GALNTL6: variants seen among roughly 807,000 people sequenced by gnomAD.
GALNTL6 encodes polypeptide N-acetylgalactosaminyltransferase like 6.
A neutral mutation model predicts 73.7 loss-of-function variants in GALNTL6; 46 were observed. The ratio of observed to expected loss-of-function variants is 0.62; its 90% CI spans 0.49 to 0.80. The LOEUF (loss-of-function observed/expected upper bound fraction) is 0.80, where lower values mean the gene tolerates loss of function less well. GALNTL6 is among the 30% of genes least tolerant of loss of function. The pLI, the probability that GALNTL6 is intolerant of heterozygous loss-of-function variation, is 0.00. For missense variants in GALNTL6, 604 were observed against 755.0 expected (o/e 0.80, Z 2.34); for synonymous variants, 259 against 263.7 (o/e 0.98, Z 0.17).
intron 5 of GALNTL6, among the ~76,000 whole-genome samples, chr4:172,744,299 T>C (rs28853387): frequency 0.36 from 54,356 of 151,808 alleles, 10,744 homozygotes; most frequent in African/African-American, 0.52. Flanking sequence ...TGGATATCAG[T>C]AATAAATTCC....
intron 5 of GALNTL6, among the ~76,000 whole-genome samples, chr4:172,473,676 C>G (rs1007685672): frequency 6.6e-6 from 1 of 152,154 alleles, no homozygotes; most frequent in African/African-American, 2.4e-5. Context: ...GCTTCTTGGC[C>G]TCTTTTGCTA....
intron 2 of GALNTL6, among the ~76,000 whole-genome samples, chr4:172,079,277 T>C (rs912176083): frequency 3.3e-5 from 5 of 152,110 alleles, no homozygotes; most frequent in African/African-American, 9.7e-5. Flanking sequence ...AAATATATTA[T>C]AGATAATGTA....
At chr4:172,186,005 C>A (rs1579229107) in intron 2 of GALNTL6, among the ~76,000 whole-genome samples, 1 of 152,058 alleles carries the variant, frequency 6.6e-6, no homozygotes, top group East Asian at 1.9e-4. Flanking sequence ...ATAAAACTAT[C>A]AATTTGTTAA....
chr4:173,033,926 G>C (rs944971840), intron 12 of GALNTL6, among the ~76,000 whole-genome samples: 16 of 152,194 alleles, frequency 1.1e-4, no homozygotes, highest in Non-Finnish European at 2.2e-4. Flanking sequence ...CTGAGATCCA[G>C]TCTATATCTA....
At chr4:172,152,356 G>A (rs1048404801) in intron 2 of GALNTL6, among the ~76,000 whole-genome samples, 3 of 152,136 alleles carry the variant, frequency 2.0e-5, no homozygotes, top group Non-Finnish European at 2.9e-5. Context: ...AGTCAAAGAC[G>A]TTGTTTAGCT....
intron 2 of GALNTL6, among the ~76,000 whole-genome samples, chr4:172,172,732 T>A (rs909330711): frequency 6.6e-6 from 1 of 152,072 alleles, no homozygotes; most frequent in African/African-American, 2.4e-5. Context: ...GGAGTCAACA[T>A]CTCCACAAAG....
intron 2 of GALNTL6, among the ~76,000 whole-genome samples, chr4:171,873,808 C>A (rs1010961993): frequency 1.3e-5 from 2 of 152,098 alleles, no homozygotes; most frequent in African/African-American, 4.8e-5. Context: ...CTTAACTATA[C>A]TTTTACCAGT....
At chr4:172,056,475 C>A (rs192368238) in intron 2 of GALNTL6, among the ~76,000 whole-genome samples, 60 of 152,114 alleles carry the variant, frequency 3.9e-4, no homozygotes, top group African/African-American at 1.4e-3. Context: ...CAGATCATTT[C>A]TTAGAGTACA....
At chr4:171,978,953 T>A (rs1257561965) in intron 2 of GALNTL6, among the ~76,000 whole-genome samples, 1 of 152,200 alleles carries the variant, frequency 6.6e-6, no homozygotes, top group Non-Finnish European at 1.5e-5. Flanking sequence ...AAATTTTTAA[T>A]CAACACTTAG....
At chr4:171,839,146 A>G (rs1318312694) in intron 2 of GALNTL6, among the ~76,000 whole-genome samples, 1 of 152,118 alleles carries the variant, frequency 6.6e-6, no homozygotes, top group Admixed American at 6.6e-5. Context: ...AGGCACAGGT[A>G]AAAAAGGCAC....
At chr4:171,996,504 G>A (rs927289610) in intron 2 of GALNTL6, among the ~76,000 whole-genome samples, 3 of 151,902 alleles carry the variant, frequency 2.0e-5, no homozygotes, top group Non-Finnish European at 2.9e-5. Flanking sequence ...CTTAGTAGAG[G>A]TAGCTAAAAT....
rs1485598333 is a variant in GALNTL6 at position 171,931,238 on chromosome 4, G to A, written c.138+116520G>A. Among the ~76,000 whole-genome samples the A allele has an allele frequency of 2.0e-5, 3 of 152,168 alleles. No homozygotes were observed. In the East Asian group the frequency reaches 5.8e-4, roughly 29 times the overall value. On this transcript the variant is annotated intron_variant, in intron 2 of 12. Transcript: ENST00000506823. The stretch of plus-strand genomic sequence containing the variant: ...ATTCTGTTGCCCAAGCTGGAGTGCA[G>A]TGGTGCAATCATGGCTCACTGAAGC...
At chr4:171,922,338 G>C (rs527930568) in intron 2 of GALNTL6, among the ~76,000 whole-genome samples, 1 of 151,844 alleles carries the variant, frequency 6.6e-6, no homozygotes, top group South Asian at 2.1e-4. Flanking sequence ...CAAACATATG[G>C]TATATTTTTA....
At chr4:172,493,968 A>G (rs1434734535) in intron 5 of GALNTL6, among the ~76,000 whole-genome samples, 1 of 151,998 alleles carries the variant, frequency 6.6e-6, no homozygotes, top group African/African-American at 2.4e-5. Context: ...TCTCCCTCCA[A>G]AATTCTTCCC....
intron 5 of GALNTL6, among the ~76,000 whole-genome samples, chr4:172,733,230 A>G (rs1307728414): frequency 6.6e-6 from 1 of 152,152 alleles, no homozygotes; most frequent in Non-Finnish European, 1.5e-5. Context: ...TTCTTTGAAC[A>G]CTTTGAAAAT....
intron 2 of GALNTL6, among the ~76,000 whole-genome samples, chr4:171,867,083 A>T (rs558193659): frequency 3.3e-5 from 5 of 152,258 alleles, no homozygotes; most frequent in Admixed American, 2.0e-4. Context: ...TGATAAGTTT[A>T]GGAGAAAATA....
chr4:172,860,760 G>C (rs1284973234), intron 7 of GALNTL6, among the ~76,000 whole-genome samples: 1 of 152,160 alleles, frequency 6.6e-6, no homozygotes, highest in Non-Finnish European at 1.5e-5. Context: ...AAATGTAGCA[G>C]CTAAAACCAA....
intron 7 of GALNTL6, among the ~76,000 whole-genome samples, chr4:172,879,629 G>A (rs951016911): frequency 2.6e-5 from 4 of 151,752 alleles, no homozygotes; most frequent in Non-Finnish European, 5.9e-5. Context: ...TAAAGCAATA[G>A]GTAGGAATAG....
chr4:172,343,732 T>G (rs148170368), intron 4 of GALNTL6, among the ~76,000 whole-genome samples: 2 of 152,148 alleles, frequency 1.3e-5, no homozygotes, highest in African/African-American at 4.8e-5. Flanking sequence ...AAATTTGCCA[T>G]TGAAGTTTCA....
Sources: allele counts gnomAD v4.1 joint callset (sites outside exome capture counted in the v4.1 genomes callset), GRCh38; gene constraint gnomAD v4.1.1; transcripts MANE v1.5; gene names NCBI Gene and HGNC (gene_info 2026-07-23, HGNC 2026-07-21).